FHIT: variants seen among roughly 807,000 people sequenced by gnomAD.
FHIT encodes bis(5'-adenosyl)-triphosphatase.
In FHIT, 19 loss-of-function variants were observed where a neutral mutation model predicts 17.9. The ratio of observed to expected loss-of-function variants is 1.06; its 90% CI spans 0.74 to 1.56. The LOEUF is 1.56. Ranked by LOEUF, FHIT falls within the 40% of genes most tolerant of loss-of-function variation. The pLI is 0.00. For missense variants in FHIT, 248 were observed against 189.2 expected (o/e 1.31, Z -1.82); for synonymous variants, 81 against 69.7 (o/e 1.16, Z -0.81).
intron 2 of FHIT, among the ~76,000 whole-genome samples, chr3:61,057,646 C>T (rs2034273463): frequency 6.6e-6 from 1 of 152,070 alleles, no homozygotes; most frequent in Admixed American, 6.6e-5. Context: ...TTCAGAACAC[C>T]CAGGCCATTG....
chr3:61,081,131 T>C (rs1029240788), intron 2 of FHIT, among the ~76,000 whole-genome samples: 12 of 152,120 alleles, frequency 7.9e-5, no homozygotes, highest in Admixed American at 7.2e-4. Context: ...GAAAGGGAAA[T>C]GTAGCTAATT....
At chr3:59,807,753 G>A (rs1487840045) in intron 8 of FHIT, among the ~76,000 whole-genome samples, 2 of 152,170 alleles carry the variant, frequency 1.3e-5, no homozygotes, top group East Asian at 1.9e-4. Context: ...GTAGTCATGA[G>A]AAGTGGAGAT....
chr3:61,201,606 T>C (rs1376706572), intron 1 of FHIT, among the ~76,000 whole-genome samples: 1 of 152,134 alleles, frequency 6.6e-6, no homozygotes, highest in Admixed American at 6.5e-5. Context: ...CACATCCCTC[T>C]ATTCCATCAA....
In FHIT at chr3:60,340,245, C is replaced by A. The variant is rs551774992; in HGVS notation, c.103+196615G>T. Among the ~76,000 whole-genome samples, 10 of 152,280 alleles carry A rather than the reference C, an allele frequency of 6.6e-5. No individual in the cohort carries two copies. In the South Asian group the frequency reaches 1.7e-3, roughly 25 times the overall value. On this transcript the variant is annotated intron_variant, in intron 5 of 9. Transcript: ENST00000492590. ...GGAAATAAATTTCAAGAACAGACATCTGCAAATGAAGTTGAAGGTAAGGTC... is the reference window on the plus strand; with the variant it reads ...GGAAATAAATTTCAAGAACAGACATATGCAAATGAAGTTGAAGGTAAGGTC...
chr3:59,978,983 C>G (rs1708533868), intron 7 of FHIT, among the ~76,000 whole-genome samples: 1 of 152,062 alleles, frequency 6.6e-6, no homozygotes, highest in South Asian at 2.1e-4. Flanking sequence ...AGACAACTAA[C>G]TGAATACTTC....
chr3:60,414,122 A>G (rs2107236246), intron 5 of FHIT, among the ~76,000 whole-genome samples: 1 of 152,344 alleles, frequency 6.6e-6, no homozygotes, highest in East Asian at 1.9e-4. Context: ...AAACGCCTTT[A>G]TGAATCCAAA....
chr3:60,575,783 G>A (rs1382989828), intron 4 of FHIT, among the ~76,000 whole-genome samples: 3 of 152,132 alleles, frequency 2.0e-5, no homozygotes, highest in African/African-American at 7.2e-5. Context: ...TTCACATGAA[G>A]AGTTGTGAAT....
At chr3:61,068,381 G>A (rs1027403932) in intron 2 of FHIT, among the ~76,000 whole-genome samples, 2 of 152,176 alleles carry the variant, frequency 1.3e-5, no homozygotes, top group Admixed American at 6.5e-5. Flanking sequence ...TTTGTTAGGA[G>A]GTTGACCCCT....
intron 2 of FHIT, among the ~76,000 whole-genome samples, chr3:61,177,758 G>A (rs896932535): frequency 3.3e-5 from 5 of 151,962 alleles, no homozygotes; most frequent in Non-Finnish European, 7.4e-5. Flanking sequence ...AAACAACCCC[G>A]GCCAAAAATT....
At chr3:60,516,331 G>C (rs948282768) in intron 5 of FHIT, among the ~76,000 whole-genome samples, 4 of 152,024 alleles carry the variant, frequency 2.6e-5, no homozygotes, top group Non-Finnish European at 4.4e-5. Flanking sequence ...CTAATGAATG[G>C]CTTGATAGAA....
At chr3:60,335,899 C>T (rs1006148865) in intron 5 of FHIT, among the ~76,000 whole-genome samples, 1 of 152,038 alleles carries the variant, frequency 6.6e-6, no homozygotes, top group African/African-American at 2.4e-5. Context: ...TTTAAAAATA[C>T]ATTAAATTAC....
intron 8 of FHIT, among the ~76,000 whole-genome samples, chr3:59,908,675 C>A (rs940452635): frequency 5.9e-5 from 9 of 152,030 alleles, no homozygotes; most frequent in Middle Eastern, 3.4e-3. Flanking sequence ...CCCCAGAATA[C>A]AGAATCTGAA....
At chr3:60,688,985 T>C (rs1200263232) in intron 4 of FHIT, among the ~76,000 whole-genome samples, 4 of 152,134 alleles carry the variant, frequency 2.6e-5, no homozygotes, top group Non-Finnish European at 5.9e-5. Context: ...AATCTCATCT[T>C]GTAGCTCCCA....
intron 5 of FHIT, among the ~76,000 whole-genome samples, chr3:60,258,328 T>C (rs1334242347): frequency 6.6e-6 from 1 of 152,110 alleles, no homozygotes; most frequent in Non-Finnish European, 1.5e-5. Flanking sequence ...TAAGATCCCA[T>C]CTCCATCGTT....
At chr3:61,207,811 T>C (rs1411282014) in intron 1 of FHIT, among the ~76,000 whole-genome samples, 1 of 152,232 alleles carries the variant, frequency 6.6e-6, no homozygotes, top group Non-Finnish European at 1.5e-5. Flanking sequence ...TTTGTGTCTC[T>C]ATTTCCTTCA....
chr3:60,488,182 C>A (rs2033919235), intron 5 of FHIT, among the ~76,000 whole-genome samples: 1 of 152,172 alleles, frequency 6.6e-6, no homozygotes, highest in Non-Finnish European at 1.5e-5. Flanking sequence ...CAGCAGGGAC[C>A]TGCTAAACAA....
chr3:60,176,820 T>C (rs1374370244), intron 5 of FHIT, among the ~76,000 whole-genome samples: 1 of 152,194 alleles, frequency 6.6e-6, no homozygotes, highest in African/African-American at 2.4e-5. Flanking sequence ...AGTCCTGCTC[T>C]AGCCTTTGGC....
chr3:60,930,817 A>G (rs1412113613), intron 3 of FHIT, among the ~76,000 whole-genome samples: 24 of 152,302 alleles, frequency 1.6e-4, no homozygotes, highest in Middle Eastern at 6.8e-3. Flanking sequence ...TGATTCCTCA[A>G]GGATCTAGAA....
intron 4 of FHIT, among the ~76,000 whole-genome samples, chr3:60,779,158 T>A (rs1700302055): frequency 6.6e-6 from 1 of 152,244 alleles, no homozygotes. Context: ...AGTGTAAGAC[T>A]AAAGTCTATT....
Sources: gnomAD v4.1 joint callset for allele counts (sites outside exome capture counted in the v4.1 genomes callset) on GRCh38, gnomAD v4.1.1 for gene constraint, MANE v1.5 for transcripts, NCBI Gene and HGNC (gene_info 2026-07-23, HGNC 2026-07-21) for gene names.